Variants in BTBD9 observed in about 807,000 individuals in gnomAD.
The protein encoded by BTBD9 is BTB domain containing 9, also known as BTB/POZ domain-containing protein 9.
In BTBD9, 49 loss-of-function variants were observed where a neutral mutation model predicts 64.3. That is an observed-to-expected ratio of 0.76 (90% CI 0.61 to 0.97). The LOEUF is 0.97. Ranked by LOEUF, BTBD9 falls within the 50% of genes least tolerant of loss-of-function variation. The probability of loss-of-function intolerance (pLI) is 0.00; values close to 1 mark genes in which losing one functional copy is unlikely to be tolerated. For synonymous variants in BTBD9, 260 were observed against 274.7 expected, an observed-to-expected ratio of 0.95 and a Z score of 0.53; for missense variants, 598 against 762.1, an observed-to-expected ratio of 0.78 and a Z score of 2.53.
chr6:38,399,174 C>G (rs552279858), intron 6 of BTBD9, among the ~76,000 whole-genome samples: 2 of 152,258 alleles, frequency 1.3e-5, no homozygotes, highest in East Asian at 3.9e-4. Context: ...TTATAAAAAG[C>G]TTTTCAATGG....
intron 6 of BTBD9, among the ~76,000 whole-genome samples, chr6:38,469,740 T>C (rs562623168): frequency 6.6e-6 from 1 of 152,206 alleles, no homozygotes; most frequent in Admixed American, 6.5e-5. Context: ...TAGTTTTAAT[T>C]TGAATTGCAC....
intron 10 of BTBD9, among the ~76,000 whole-genome samples, chr6:38,188,122 G>T (rs1317813555): frequency 1.3e-5 from 2 of 152,238 alleles, no homozygotes; most frequent in Non-Finnish European, 2.9e-5. Flanking sequence ...CAGCCTGGGG[G>T]GCCTGCTTCC....
chr6:38,331,499 G>A (rs191302834), intron 7 of BTBD9, among the ~76,000 whole-genome samples: 2 of 152,142 alleles, frequency 1.3e-5, no homozygotes, highest in Admixed American at 1.3e-4. Context: ...AAGAGGGGGG[G>A]CCAAGAAATA....
At chr6:38,450,088 A>T (rs1769453643) in intron 6 of BTBD9, among the ~76,000 whole-genome samples, 2 of 152,248 alleles carry the variant, frequency 1.3e-5, no homozygotes. Context: ...AATACTATTC[A>T]GCCATAAAAA....
chr6:38,451,255 T>C (rs1769530398), intron 6 of BTBD9, among the ~76,000 whole-genome samples: 2 of 152,190 alleles, frequency 1.3e-5, no homozygotes, highest in Admixed American at 6.5e-5. Context: ...CCCAGACACA[T>C]ACTGTGTTAT....
At chr6:38,352,941 AT>A (rs1471918275) in intron 6 of BTBD9, among the ~76,000 whole-genome samples, 1 of 152,220 alleles carries the variant, frequency 6.6e-6, no homozygotes, top group Admixed American at 6.5e-5. Context: ...TCCCTCACAG[AT>A]TTTCTATTTA....
At chr6:38,448,096 C>A (rs536694895) in intron 6 of BTBD9, among the ~76,000 whole-genome samples, 3 of 152,174 alleles carry the variant, frequency 2.0e-5, no homozygotes, top group Admixed American at 1.3e-4. Flanking sequence ...AAGGGACATA[C>A]GGGAGGAACC....
At chr6:38,179,735 C>T (rs970301526) in intron 10 of BTBD9, 5 of 456,664 alleles carry the variant, frequency 1.1e-5, no homozygotes, top group African/African-American at 1.0e-4. Context: ...TATCAACATA[C>T]CTGCCTCACA....
chr6:38,463,197 G>C (rs1324455236), intron 6 of BTBD9, among the ~76,000 whole-genome samples: 1 of 152,216 alleles, frequency 6.6e-6, no homozygotes, highest in Non-Finnish European at 1.5e-5. Context: ...GGATAGCATA[G>C]AGAAATACAA....
At chr6:38,188,175 C>T (rs564015934) in intron 10 of BTBD9, among the ~76,000 whole-genome samples, 2 of 152,180 alleles carry the variant, frequency 1.3e-5, no homozygotes, top group Non-Finnish European at 2.9e-5. Context: ...CAGCAGCTGC[C>T]GGGGGTGTTT....
chr6:38,619,425 G>A (rs1006801571), intron 1 of BTBD9, among the ~76,000 whole-genome samples: 6 of 152,282 alleles, frequency 3.9e-5, no homozygotes, highest in East Asian at 3.9e-4. Context: ...CAATAACCCC[G>A]TATGGCTTGT....
chr6:38,396,776 T>C (rs1766692870), intron 6 of BTBD9, among the ~76,000 whole-genome samples: 1 of 152,206 alleles, frequency 6.6e-6, no homozygotes. Context: ...TGAAGACTAG[T>C]ATTTAAAAGA....
intron 3 of BTBD9, among the ~76,000 whole-genome samples, chr6:38,593,164 A>C (rs1223864675): frequency 6.6e-6 from 1 of 152,248 alleles, no homozygotes; most frequent in African/African-American, 2.4e-5. Context: ...CAGATTCTTC[A>C]AGAGAGTGTA....
chr6:38,445,745 G>C (rs1326091049), intron 6 of BTBD9, among the ~76,000 whole-genome samples: 1 of 152,108 alleles, frequency 6.6e-6, no homozygotes, highest in African/African-American at 2.4e-5. Flanking sequence ...GTCATCATCA[G>C]ATCTTAAAAA....
At chr6:38,179,675 G>A (rs536646340) in intron 10 of BTBD9, 1 of 456,766 alleles carries the variant, frequency 2.2e-6, no homozygotes, top group South Asian at 1.5e-5. Flanking sequence ...GTGGCAGGCT[G>A]GGAATGAACC....
intron 6 of BTBD9, among the ~76,000 whole-genome samples, chr6:38,508,592 C>T (rs1772640954): frequency 6.6e-6 from 1 of 152,174 alleles, no homozygotes; most frequent in East Asian, 1.9e-4. Context: ...AATCTTATCA[C>T]ATCACCCCAC....
intron 6 of BTBD9, among the ~76,000 whole-genome samples, chr6:38,467,392 A>T (rs1770444010): frequency 6.6e-6 from 1 of 152,196 alleles, no homozygotes; most frequent in Non-Finnish European, 1.5e-5. Context: ...TATGTATACA[A>T]ATACCTTAGA....
At chr6:38,299,125 C>T (rs1470174761) in intron 7 of BTBD9, among the ~76,000 whole-genome samples, 4 of 152,122 alleles carry the variant, frequency 2.6e-5, no homozygotes, top group East Asian at 1.9e-4. Flanking sequence ...TTTGTCCTTG[C>T]GATAGTTTGC....
intron 9 of BTBD9, among the ~76,000 whole-genome samples, chr6:38,221,851 C>A (rs1309300791): frequency 6.6e-6 from 1 of 152,062 alleles, no homozygotes; most frequent in Non-Finnish European, 1.5e-5. Context: ...ATTAGCCAGG[C>A]CTGGTGGTGC....
Sources: gnomAD v4.1 joint callset for allele counts (sites outside exome capture counted in the v4.1 genomes callset) on GRCh38, gnomAD v4.1.1 for gene constraint, MANE v1.5 for transcripts, NCBI Gene and HGNC (gene_info 2026-07-23, HGNC 2026-07-21) for gene names.